Variants in AARS1 observed in about 807,000 individuals in gnomAD.
AARS1 encodes the protein alanine--tRNA ligase, cytoplasmic.
In AARS1, 72 loss-of-function variants were observed where a neutral mutation model predicts 108.9. The ratio of observed to expected loss-of-function variants is 0.66; its 90% CI spans 0.55 to 0.80. The LOEUF (loss-of-function observed/expected upper bound fraction) is 0.80, where lower values mean the gene tolerates loss of function less well. Ranked by LOEUF, AARS1 falls within the 30% of genes least tolerant of loss-of-function variation. AARS1 has a pLI of 0.00. For synonymous variants in AARS1, 489 were observed against 465.7 expected (o/e 1.05, Z -0.64); for missense variants, 1,193 against 1,233.2 (o/e 0.97, Z 0.49).
Position 70,254,402 on chromosome 16 carries a change from G to C in AARS1, c.2400+219C>G, listed in dbSNP as rs755724008. ...CCCAGTGCCCATACATGCTTGGGAA[G>C]AGCTCTCCTGCTAGCAGCACTGGGA... On this transcript the variant is annotated intron_variant, in intron 17 of 20. Coordinates refer to ENST00000261772, the MANE Select transcript of AARS1 (RefSeq NM_001605.3). 2.5e-5 allele frequency: 15 copies of C among 602,932 alleles called. 1 individual carries two copies. In the South Asian group the frequency reaches 2.8e-4, roughly 11 times the overall value. The allele number at this position is 602,932 out of a possible 1,614,324, so 37.3% of individuals were successfully genotyped here. A position where few individuals can be genotyped will look rare whatever the true frequency, so the allele number is the denominator to read the frequency against.
At position 70,253,387 on chromosome 16, in the gene AARS1, G is replaced by T. The variant is rs200965527; in HGVS notation, c.2608-6C>A. On this transcript the variant is annotated splice_region_variant and splice_polypyrimidine_tract_variant and intron_variant, in intron 19 of 20. Coordinates refer to ENST00000261772, the MANE Select transcript of AARS1 (RefSeq NM_001605.3). ...TTCAAGGCTTCATTCAGGGCCTGTG[G>T]GGAGGACCTGGCTCAGGCCACGGTG... 217 of 1,606,528 alleles carry T rather than the reference G, an allele frequency of 1.4e-4. No homozygotes were observed. In the African/African-American group the frequency reaches 2.6e-3, roughly 19 times the overall value.
chr16:70,260,630 C>T (rs912060322), intron 13 of AARS1, among the ~76,000 whole-genome samples: 7 of 149,090 alleles, frequency 4.7e-5, no homozygotes, highest in South Asian at 2.1e-4. Context: ...TTAACCCCTG[C>T]GGTCTACTTA....
At chr16:70,253,142 G>T in intron 20 of AARS1, 126 bp downstream of exon 20, 1 of 906,228 alleles carries the variant, frequency 1.1e-6, no homozygotes. Context: ...GCCTGGGTAA[G>T]GGGTACTGGC....
rs62049420 is a variant in AARS1, at chr16:70,268,136, C to A, written c.1071+135G>T. 28,948 of 853,958 alleles carry A rather than the reference C, an allele frequency of 0.034. 692 individuals are homozygous for A. Among genetic ancestry groups the A allele is most frequent in the Non-Finnish European group, 0.045 (23,522 of 522,618 alleles). The allele number at this position is 853,958 out of a possible 1,614,324, so 52.9% of individuals were successfully genotyped here. On this transcript the variant is annotated intron_variant, in intron 8 of 20. Coordinates refer to ENST00000261772, the MANE Select transcript of AARS1 (RefSeq NM_001605.3). ...TGAGCCAAGATCACTCTATTGCACT[C>A]CAGCGTGGGTGACAGAGTGAGACTC...
At chr16:70,259,969 T>C (rs1480598765) in intron 13 of AARS1, among the ~76,000 whole-genome samples, 1 of 152,044 alleles carries the variant, frequency 6.6e-6, no homozygotes, top group Non-Finnish European at 1.5e-5. Flanking sequence ...ACAGGGTTTC[T>C]CCATGTTGGT....
At chr16:70,279,558 G>C (rs1960641319) in intron 2 of AARS1, among the ~76,000 whole-genome samples, 3 of 150,878 alleles carry the variant, frequency 2.0e-5, no homozygotes. Context: ...CACTCGGGAG[G>C]GTGAAGCAGG....
At position 70,252,673 on chromosome 16, in the gene AARS1, G is replaced by C; in HGVS notation, c.*48C>G. 1 of 1,597,650 alleles carries C rather than the reference G, an allele frequency of 6.3e-7. No individual in the cohort carries two copies. ...CAAATGTTCTTGTAGCAGATGAAGA[G>C]CTCTTGGCTGGACGGATGGATCCAG... is the stretch of plus-strand genomic sequence containing the variant. On this transcript the variant is annotated 3_prime_UTR_variant, in exon 21 of 21. Coordinates refer to ENST00000261772, the MANE Select transcript of AARS1 (RefSeq NM_001605.3).
At chr16:70,271,671 T>C (rs1319067987) in intron 5 of AARS1, 110 bp downstream of exon 5, 1 of 1,102,428 alleles carries the variant, frequency 9.1e-7, no homozygotes, top group Non-Finnish European at 1.4e-6. Flanking sequence ...AGACAGGTAA[T>C]CTGAGAAATA....
chr16:70,258,721 A>C (rs1030028841), intron 14 of AARS1, among the ~76,000 whole-genome samples: 6 of 152,128 alleles, frequency 3.9e-5, no homozygotes, highest in African/African-American at 1.4e-4. Context: ...GCCCGCCACC[A>C]CGCCCGGCTA....
rs1022993025 is a variant in AARS1, at chr16:70,265,773, C to G, written c.1223-111G>C. 7.9e-6 allele frequency: 11 copies of G among 1,387,194 alleles called. No individual in the cohort carries two copies. In the African/African-American group the frequency reaches 1.4e-4, roughly 18 times the overall value. The allele number at this position is 1,387,194 out of a possible 1,614,324, so 85.9% of individuals were successfully genotyped here. A position where few individuals can be genotyped will look rare whatever the true frequency, so the allele number is the denominator to read the frequency against. On this transcript the variant is annotated intron_variant, in intron 9 of 20. Coordinates refer to ENST00000261772, the MANE Select transcript of AARS1 (RefSeq NM_001605.3). ...GAAGGAATTAAAGACACAAGGCTAT[C>G]AGTATCGGCCCTGTGTGCCCATCAG...
At chr16:70,253,242 T>G in intron 20 of AARS1, 26 bp downstream of exon 20, 1 of 1,564,716 alleles carries the variant, frequency 6.4e-7, no homozygotes. Context: ...ACCTAACACT[T>G]CCCACTGGTG....
chr16:70,272,853 T>C (rs1306883433), intron 4 of AARS1, among the ~76,000 whole-genome samples: 2 of 146,776 alleles, frequency 1.4e-5, no homozygotes, highest in East Asian at 4.0e-4. Context: ...GAGGCTGCAG[T>C]GAGCTGTGAT....
intron 6 of AARS1, among the ~76,000 whole-genome samples, 180 bp from the exon 7 acceptor site, chr16:70,269,943 C>A (rs1444015185): frequency 1.3e-5 from 2 of 152,032 alleles, no homozygotes; most frequent in Non-Finnish European, 2.9e-5. Context: ...CCCCTACACT[C>A]AAAAATTATA....
At chr16:70,258,921 A>C in intron 14 of AARS1, 59 bp downstream of exon 14, 1 of 1,547,888 alleles carries the variant, frequency 6.5e-7, no homozygotes. Context: ...CACTGCTAAG[A>C]CTGTGGACAG....
intron 4 of AARS1, among the ~76,000 whole-genome samples, chr16:70,274,220 A>G (rs1034955824): frequency 3.3e-5 from 5 of 151,434 alleles, no homozygotes; most frequent in African/African-American, 4.9e-5. Flanking sequence ...ACGTGCCTGT[A>G]ATCCCAGCTA....
chr16:70,267,639 G>A lies in AARS1; in HGVS notation c.1222+20C>T. The A allele has an allele frequency of 1.2e-6, 2 of 1,614,106 alleles. No homozygotes were observed. Among genetic ancestry groups the A allele is most frequent in the Non-Finnish European group, 1.7e-6 (2 of 1,180,014 alleles). On this transcript the variant is annotated intron_variant, in intron 9 of 20. Transcript: ENST00000261772. ...AAGATCAAACGGCCAGGATGGAGAA[G>A]GGCAAAAACTGGTACCTACCGGGAA...
chr16:70,279,481 GA>G (rs990945436), intron 2 of AARS1, among the ~76,000 whole-genome samples: 8 of 150,786 alleles, frequency 5.3e-5, no homozygotes, highest in African/African-American at 1.7e-4. Context: ...CCAACGTGGC[GA>G]AACCCTGTCT....
chr16:70,273,629 A>G (rs909555378), intron 4 of AARS1, among the ~76,000 whole-genome samples: 6 of 151,494 alleles, frequency 4.0e-5, no homozygotes, highest in African/African-American at 1.2e-4. Flanking sequence ...TTGGGAGGCC[A>G]AGGCAGGCCG....
rs371996236 is a variant in AARS1 at position 70,282,794 on chromosome 16, G to C, written c.-21-10C>G. The C allele has an allele frequency of 1.8e-5, 28 of 1,592,386 alleles. No homozygotes were observed. Among genetic ancestry groups the C allele is most frequent in the Non-Finnish European group, 2.3e-5 (27 of 1,167,682 alleles). On this transcript the variant is annotated splice_polypyrimidine_tract_variant and intron_variant, in intron 1 of 20. Coordinates refer to ENST00000261772, the MANE Select transcript of AARS1 (RefSeq NM_001605.3). ...AAGTCACCCCAAAGAACTAATCAAA[G>C]AAAAAAAAATGAAGGAAAATTAAGG...
Sources: gnomAD v4.1 joint callset for allele counts (sites outside exome capture counted in the v4.1 genomes callset) on GRCh38, gnomAD v4.1.1 for gene constraint, MANE v1.5 for transcripts, NCBI Gene and HGNC (gene_info 2026-07-23, HGNC 2026-07-21) for gene names.